Variants in DNHD1 observed in about 807,000 individuals in gnomAD.
DNHD1 encodes the protein dynein heavy chain domain-containing protein 1.
DNHD1 carries 383 observed loss-of-function variants against 458.1 expected under a neutral mutation model. The observed-to-expected ratio is 0.84, with a 90% CI of 0.77 to 0.91. DNHD1 has a LOEUF of 0.91. Ranked by LOEUF, DNHD1 falls within the 40% of genes least tolerant of loss-of-function variation. DNHD1 has a pLI of 0.00. For missense variants in DNHD1, 5,336 were observed against 5,866.1 expected (o/e 0.91, Z 2.95); for synonymous variants, 2,203 against 2,376.9 (o/e 0.93, Z 2.13).
chr11:6,515,779 A>ATTTTTTTTT (rs61095437), intron 7 of DNHD1, among the ~76,000 whole-genome samples: 2 of 108,320 alleles, frequency 1.8e-5, no homozygotes, highest in African/African-American at 3.7e-5. Context: ...CTATAGACAC[A>ATTTTTTTTT]TTTTTTTTTT....
chr11:6,540,074 A>C lies in DNHD1; in HGVS notation c.3619A>C (p.Ile1207Leu). The change falls in exon 18 of 43, where the codon ATC becomes CTC. Residue 1207 changes from isoleucine (I) to leucine (L), a missense_variant. Coordinates refer to ENST00000254579, the MANE Select transcript of DNHD1 (RefSeq NM_144666.3). ...AGTGGACAAAGATAGTGGCACCTTC[A>C]TCCTCTCAGGTGAGACCCAGACCTT... ...EVVDKDSGTF[I>L]LSDYSNLQDS... is the part of the protein sequence containing the mutation. 1 of 1,551,660 alleles carries C rather than the reference A, an allele frequency of 6.4e-7. No homozygotes were observed.
chr11:6,498,785 G>T lies in DNHD1; in HGVS notation c.570G>T (p.Leu190=), dbSNP rs11040899. The change falls in exon 3 of 43, where the codon CTG becomes CTT. Residue 190 remains leucine (L), a synonymous_variant. Coordinates refer to ENST00000254579, the MANE Select transcript of DNHD1 (RefSeq NM_144666.3). ...ELATWLRPLT[L]PELQRCLGIV... ...CCACCTGGCTGCGACCATTGACACT[G>T]CCTGAGCTACAGCGCTGCCTGGGCA... is the stretch of plus-strand genomic sequence containing the variant. 787,284 of 1,613,972 alleles carry T rather than the reference G, an allele frequency of 0.49. 196,533 individuals are homozygous for T. The highest frequency in any genetic ancestry group is 0.52 in the Non-Finnish European group (609,856 of 1,179,958).
At chr11:6,552,535 T>C (rs934951971) in intron 24 of DNHD1, among the ~76,000 whole-genome samples, 21 of 151,566 alleles carry the variant, frequency 1.4e-4, no homozygotes, top group Non-Finnish European at 2.9e-5. Flanking sequence ...AAAAAATATA[T>C]ATATATAAGT....
chr11:6,547,193 T>C lies in DNHD1; in HGVS notation c.6254T>C (p.Ile2085Thr). 6.4e-7 allele frequency: 1 copy of C among 1,551,800 alleles called. No homozygotes were observed. Among genetic ancestry groups the C allele is most frequent in the Non-Finnish European group, 8.7e-7 (1 of 1,147,028 alleles). ...EESIGIQHWI[I>T]CDGASNGAWL... ...TCAATCGGGATCCAGCACTGGATAA[T>C]ATGTGATGGAGCCTCCAATGGTGCT... Residue 2085 changes from isoleucine to threonine, a missense_variant, in exon 21 of 43, where the codon ATA becomes ACA. Transcript: ENST00000254579.
Position 6,548,488 on chromosome 11 carries a change from C to T in DNHD1, c.7098+86C>T. 6.8e-7 allele frequency: 1 copy of T among 1,462,248 alleles called. No homozygotes were observed. Among genetic ancestry groups the T allele is most frequent in the South Asian group, 1.3e-5 (1 of 77,304 alleles). The allele number at this position is 1,462,248 out of a possible 1,614,324, so 90.6% of individuals were successfully genotyped here. On this transcript the variant is annotated intron_variant, in intron 23 of 42. Transcript: ENST00000254579. This position sits in a 1 kb window ranked among gnomAD's most constrained non-coding sequence, Gnocchi z 4.4. ...CCATGTTCAAAGATCAGCTGAGGCC[C>T]ACTTGCTCCCTTTCTTTGATATATT...
chr11:6,536,457 T>A (rs561107831), intron 14 of DNHD1, among the ~76,000 whole-genome samples: 1 of 152,250 alleles, frequency 6.6e-6, no homozygotes, highest in Non-Finnish European at 1.5e-5. Context: ...AACTTGCCCT[T>A]AAATAGTTCA....
intron 24 of DNHD1, 146 bp downstream of exon 24, chr11:6,549,079 C>T: frequency 2.3e-6 from 2 of 887,922 alleles, no homozygotes; most frequent in Middle Eastern, 3.4e-4. Flanking sequence ...TCTACATATG[C>T]TCCCTGAACA....
At chr11:6,538,862 A>C in intron 16 of DNHD1, 52 bp downstream of exon 16, 1 of 1,424,538 alleles carries the variant, frequency 7.0e-7, no homozygotes, top group Non-Finnish European at 9.3e-7. Flanking sequence ...GTGAGGTTAG[A>C]GCGATGCAGC....
In DNHD1 at chr11:6,548,034, C is replaced by T; in HGVS notation, c.6899C>T (p.Pro2300Leu). ...ALIWGFGAHLPSRFWPIFDTF... is the reference protein window; with the variant it reads ...ALIWGFGAHLLSRFWPIFDTF... ...ATCTGGGGCTTTGGAGCCCACCTTCCCTCCAGGTACCTACCAGGATGGGGG... is the reference window on the plus strand; with the variant it reads ...ATCTGGGGCTTTGGAGCCCACCTTCTCTCCAGGTACCTACCAGGATGGGGG... Residue 2300 changes from proline (P) to leucine (L), a missense_variant, in exon 22 of 43, where the codon CCC becomes CTC. Physicochemically the swap from Pro to Leu is moderately conservative, Grantham distance 98. Transcript: ENST00000254579. This position sits in a 1 kb window ranked among gnomAD's most constrained non-coding sequence, Gnocchi z 4.4. 1 of 1,551,686 alleles carries T rather than the reference C, an allele frequency of 6.4e-7. No individual in the cohort carries two copies. Among genetic ancestry groups the T allele is most frequent in the South Asian group, 1.2e-5 (1 of 84,058 alleles).
At chr11:6,520,350 T>A in intron 10 of DNHD1, 61 bp downstream of exon 10, 10 of 1,550,920 alleles carry the variant, frequency 6.4e-6, no homozygotes, top group Middle Eastern at 3.4e-4. Context: ...GCACAAGTAC[T>A]AATGGCATGG....
Position 6,567,390 on chromosome 11 carries a change from C to A in DNHD1, c.11881C>A (p.Leu3961Ile), listed in dbSNP as rs1259652043. The change falls in exon 36 of 43, where the codon CTA (leucine) becomes ATA (isoleucine). Residue 3961 changes from leucine to isoleucine, a missense_variant. Transcript: ENST00000254579. ...GGAAAGACTGGCACTCTGGCCTGGA[C>A]TAGCAGCCTCTCCCAGCACAGTCCA... The part of the protein sequence containing the change: ...ELERLALWPG[L>I]AASPSTVHSK... The A allele has an allele frequency of 1.2e-6, 2 of 1,613,606 alleles. No homozygotes were observed. Among genetic ancestry groups the A allele is most frequent in the Admixed American group, 1.7e-5 (1 of 59,940 alleles).
Position 6,567,873 on chromosome 11 carries a change from T to C in DNHD1, c.12351+13T>C. On this transcript the variant is annotated intron_variant, in intron 36 of 42. Transcript: ENST00000254579. ...CAAGTATCAGCAGGTTTGAACCTAG[T>C]TTCTTGGCCACAGAGTGACCAGGCT... 6.2e-7 allele frequency: 1 copy of C among 1,602,414 alleles called. No homozygotes were observed. Among genetic ancestry groups the C allele is most frequent in the Non-Finnish European group, 8.5e-7 (1 of 1,175,164 alleles).
rs983187920 is a variant in DNHD1, at chr11:6,557,843, G to T, written c.8548G>T (p.Ala2850Ser). ...RQWEKLEEQLATSAAQLKLSP... is the reference protein window; with the variant it reads ...RQWEKLEEQLSTSAAQLKLSP... Reference sequence around the variant, plus strand: ...GTGGGAGAAGCTAGAGGAGCAGTTGGCCACCTCAGCTGCTCAACTGAAGTT... The same window carrying T: ...GTGGGAGAAGCTAGAGGAGCAGTTGTCCACCTCAGCTGCTCAACTGAAGTT... Residue 2850 changes from alanine (A) to serine (S), a missense_variant, in exon 25 of 43, where the codon GCC becomes TCC. Physicochemically the swap from Ala to Ser is moderately conservative, Grantham distance 99. Coordinates refer to ENST00000254579, the MANE Select transcript of DNHD1 (RefSeq NM_144666.3). The T allele has an allele frequency of 2.6e-6, 4 of 1,551,014 alleles. No individual in the cohort carries two copies. The highest frequency in any genetic ancestry group is 3.5e-6 in the Non-Finnish European group (4 of 1,146,966).
At position 6,557,104 on chromosome 11, in the gene DNHD1, G is replaced by T. The variant is rs1478760521; in HGVS notation, c.7809G>T (p.Leu2603=). The T allele has an allele frequency of 6.4e-7, 1 of 1,551,610 alleles. No homozygotes were observed. Among genetic ancestry groups the T allele is most frequent in the African/African-American group, 1.4e-5 (1 of 73,048 alleles). The change falls in exon 25 of 43, where the codon CTG becomes CTT. Residue 2603 remains leucine, a synonymous_variant. Coordinates refer to ENST00000254579, the MANE Select transcript of DNHD1 (RefSeq NM_144666.3). ...GCCACCTACTGAGCAGCCTGCAGCTGCTGCCCAACAGAACAGGCTCCCGAG... is the reference window on the plus strand; with the variant it reads ...GCCACCTACTGAGCAGCCTGCAGCTTCTGCCCAACAGAACAGGCTCCCGAG... The part of the protein sequence containing the change: ...SVSHLLSSLQ[L]LPNRTGSRGF...
intron 24 of DNHD1, among the ~76,000 whole-genome samples, chr11:6,551,674 G>T (rs1853346631): frequency 6.6e-6 from 1 of 152,208 alleles, no homozygotes; most frequent in Admixed American, 6.5e-5. Flanking sequence ...CGGGCACTGT[G>T]GCTCACGCCT....
At chr11:6,513,753 A>C (rs540051556) in intron 7 of DNHD1, among the ~76,000 whole-genome samples, 1 of 152,186 alleles carries the variant, frequency 6.6e-6, no homozygotes, top group Non-Finnish European at 1.5e-5. Context: ...GCTAGAATAG[A>C]ATATATGTAT....
At chr11:6,568,357 T>C in intron 37 of DNHD1, 97 bp from the exon 38 acceptor site, 1 of 1,576,840 alleles carries the variant, frequency 6.3e-7, no homozygotes, top group Non-Finnish European at 8.6e-7. Context: ...CTTGGCCTTG[T>C]ATCTGACTCC....
At chr11:6,514,452 C>CCT (rs1427057600) in intron 7 of DNHD1, among the ~76,000 whole-genome samples, 1 of 150,490 alleles carries the variant, frequency 6.6e-6, no homozygotes, top group African/African-American at 2.4e-5. Context: ...CTTTTCCCTC[C>CCT]CTCTCTCTCT....
At position 6,564,225 on chromosome 11, in the gene DNHD1, T is replaced by C. The variant is rs1589896101; in HGVS notation, c.10284+101T>C. 6.8e-6 allele frequency: 10 copies of C among 1,460,968 alleles called. No individual in the cohort carries two copies. The East Asian group carries it at 2.5e-4, about 36-fold the overall frequency. The allele number at this position is 1,460,968 out of a possible 1,614,324, so 90.5% of individuals were successfully genotyped here. ...TGCCTCCCTCTGTCCCTCTCTGCAC[T>C]CCTTGCCGTACTTTCCTCCACACCC... On this transcript the variant is annotated intron_variant, in intron 31 of 42. Coordinates refer to ENST00000254579, the MANE Select transcript of DNHD1 (RefSeq NM_144666.3).
Sources: allele counts gnomAD v4.1 joint callset (sites outside exome capture counted in the v4.1 genomes callset), GRCh38; gene constraint gnomAD v4.1.1; non-coding constraint Gnocchi (gnomAD v3.1); transcripts MANE v1.5; gene names NCBI Gene and HGNC (gene_info 2026-07-23, HGNC 2026-07-21).